FOXP1: variants seen among roughly 807,000 people sequenced by gnomAD.
FOXP1 encodes the protein forkhead box P1, also known as forkhead box protein P1.
FOXP1 carries 15 observed loss-of-function variants against 98.2 expected under a neutral mutation model. The ratio of observed to expected loss-of-function variants is 0.15; its 90% CI spans 0.10 to 0.24. FOXP1 has a LOEUF of 0.24. Among genes scored for constraint, FOXP1 ranks in the 10% least tolerant of loss-of-function variants. The pLI is 1.00. For synonymous variants in FOXP1, 371 were observed against 314.5 expected (o/e 1.18, Z -1.90); for missense variants, 633 against 848.5 (o/e 0.75, Z 3.15).
intron 2 of FOXP1, among the ~76,000 whole-genome samples, chr3:71,547,489 T>C (rs1171554580): frequency 6.6e-6 from 1 of 152,162 alleles, no homozygotes; most frequent in Non-Finnish European, 1.5e-5. Context: ...TTGGGCCCCG[T>C]TTGACCTCTT....
At chr3:71,428,772 CACAT>C (rs1317310728) in intron 3 of FOXP1, among the ~76,000 whole-genome samples, 7 of 152,152 alleles carry the variant, frequency 4.6e-5, no homozygotes, top group Non-Finnish European at 7.3e-5. Flanking sequence ...GGCCTGGACA[CACAT>C]ACACACAAAA....
intron 7 of FOXP1, among the ~76,000 whole-genome samples, chr3:71,057,495 C>T (rs1474525500): frequency 6.7e-6 from 1 of 149,238 alleles, no homozygotes; most frequent in East Asian, 2.0e-4. Context: ...ATTTCCGATA[C>T]TGTAACTACC....
At chr3:71,127,447 T>TA (rs200836443) in intron 6 of FOXP1, among the ~76,000 whole-genome samples, 3,057 of 152,128 alleles carry the variant, frequency 0.02, 51 homozygotes, top group Admixed American at 0.05. Flanking sequence ...GCTGTATCTT[T>TA]AAAAAAAATA....
At chr3:71,350,526 G>A (rs1047864339) in intron 4 of FOXP1, among the ~76,000 whole-genome samples, 1 of 152,164 alleles carries the variant, frequency 6.6e-6, no homozygotes, top group Non-Finnish European at 1.5e-5. Context: ...GATGGTAGGT[G>A]GATGGTTGAA....
intron 4 of FOXP1, among the ~76,000 whole-genome samples, chr3:71,308,328 G>A (rs1008857156): frequency 2.6e-5 from 4 of 152,194 alleles, no homozygotes; most frequent in Admixed American, 1.3e-4. Flanking sequence ...CGGAACAGAT[G>A]ATGAAACGCG....
At chr3:71,202,821 G>A (rs1328685130) in intron 5 of FOXP1, among the ~76,000 whole-genome samples, 2 of 152,156 alleles carry the variant, frequency 1.3e-5, no homozygotes, top group Non-Finnish European at 2.9e-5. Flanking sequence ...GCACTATTTT[G>A]CAAACAACTG....
intron 18 of FOXP1, 99 bp from the exon 19 acceptor site, chr3:70,970,904 G>A (rs2036087954): frequency 1.1e-6 from 1 of 902,228 alleles, no homozygotes; most frequent in Admixed American, 1.8e-5. Flanking sequence ...TTCCAAATGA[G>A]CAATTTCCCC....
intron 8 of FOXP1, among the ~76,000 whole-genome samples, chr3:71,053,409 G>C (rs749431482): frequency 6.6e-6 from 1 of 152,016 alleles, no homozygotes; most frequent in Non-Finnish European, 1.5e-5. Flanking sequence ...CAGTCCATCG[G>C]GTACTCTCCA....
chr3:71,140,929 C>T (rs1235734252), intron 6 of FOXP1, among the ~76,000 whole-genome samples: 4 of 149,124 alleles, frequency 2.7e-5, no homozygotes, highest in African/African-American at 5.0e-5. Context: ...GCACAGGCAA[C>T]ATAGTAAGAC....
intron 5 of FOXP1, among the ~76,000 whole-genome samples, chr3:71,213,794 C>A (rs1361343184): frequency 6.6e-6 from 1 of 151,822 alleles, no homozygotes; most frequent in Non-Finnish European, 1.5e-5. Context: ...CCAGCCTGGG[C>A]GACAGAGCAA....
In FOXP1 at chr3:71,279,192, A is replaced by AAAAAAC. The variant is rs368277709; in HGVS notation, c.-12+20627_-12+20628insGTTTTT. 4.5e-3 allele frequency among the ~76,000 whole-genome samples: 627 copies of AAAAAAC among 139,346 alleles called. 19 individuals are homozygous for AAAAAAC. The highest frequency in any genetic ancestry group is 0.015 in the African/African-American group (581 of 38,144). The allele number at this position is 139,346 out of a possible 152,430, so 91.4% of individuals were successfully genotyped here. On this transcript the variant is annotated intron_variant, in intron 5 of 20. Transcript: ENST00000649528. ...CATCTCAAAAAAAAAAAAAAAAAAAAAGAAAGAAATAGGAATTGATACCAT... is the reference window on the plus strand; with the variant it reads ...CATCTCAAAAAAAAAAAAAAAAAAAAAAAAACAGAAAGAAATAGGAATTGATACCAT...
intron 5 of FOXP1, among the ~76,000 whole-genome samples, chr3:71,239,091 C>T (rs1284253801): frequency 6.6e-6 from 1 of 152,160 alleles, no homozygotes; most frequent in Non-Finnish European, 1.5e-5. Context: ...TTCCCACCTT[C>T]CTAAAAGTAG....
chr3:71,467,735 T>C (rs1327207214), intron 3 of FOXP1, among the ~76,000 whole-genome samples: 1 of 152,192 alleles, frequency 6.6e-6, no homozygotes, highest in East Asian at 1.9e-4. Flanking sequence ...TGAGGGATGG[T>C]GGAGCCCAGT....
At chr3:71,225,292 A>C (rs759189833) in intron 5 of FOXP1, among the ~76,000 whole-genome samples, 4 of 152,228 alleles carry the variant, frequency 2.6e-5, no homozygotes, top group Non-Finnish European at 5.9e-5. Flanking sequence ...ATCAGCAGTG[A>C]GCTCTCTATT....
intron 5 of FOXP1, among the ~76,000 whole-genome samples, chr3:71,267,969 G>A (rs1233915547): frequency 7.2e-6 from 1 of 138,042 alleles, no homozygotes; most frequent in African/African-American, 2.7e-5. Flanking sequence ...AGTGAGCTGA[G>A]ATCACAGCAC....
rs558380792 is a variant in FOXP1 at position 71,083,560 on chromosome 3, G to A, written c.282+28976C>T. On this transcript the variant is annotated intron_variant, in intron 7 of 20. Coordinates refer to ENST00000649528, the MANE Select transcript of FOXP1 (RefSeq NM_001349338.3). ...TCACTCAATTGATTCAAGGGATTTC[G>A]CTGGAATTACTGAGCAAGAGATACT... 4.7e-4 allele frequency among the ~76,000 whole-genome samples: 71 copies of A among 152,252 alleles called. 1 individual carries two copies. Among genetic ancestry groups the A allele is most frequent in the African/African-American group, 1.7e-3 (69 of 41,556 alleles).
At chr3:71,508,936 G>C (rs1196080543) in intron 2 of FOXP1, among the ~76,000 whole-genome samples, 1 of 152,102 alleles carries the variant, frequency 6.6e-6, no homozygotes, top group Non-Finnish European at 1.5e-5. Context: ...ATTGTGGTGA[G>C]GACAAAAGGG....
chr3:71,338,820 AG>A (rs1341781302), intron 4 of FOXP1, among the ~76,000 whole-genome samples: 1 of 152,216 alleles, frequency 6.6e-6, no homozygotes, highest in African/African-American at 2.4e-5. Context: ...ACACTAACAA[AG>A]GTGCATTAAT....
intron 4 of FOXP1, chr3:71,334,903 T>A (rs1406819381): frequency 2.6e-5 from 4 of 152,090 alleles, no homozygotes; most frequent in African/African-American, 9.7e-5. Flanking sequence ...GGGTTAGAGT[T>A]AAAAGGGGGA....
Sources: allele counts gnomAD v4.1 joint callset (sites outside exome capture counted in the v4.1 genomes callset), GRCh38; gene constraint gnomAD v4.1.1; transcripts MANE v1.5; gene names NCBI Gene and HGNC (gene_info 2026-07-23, HGNC 2026-07-21).